The following RIPOR3 variants were observed in gnomAD, a reference collection of about 807,000 sequenced individuals.
The protein encoded by RIPOR3 is RIPOR family member 3, also known as family with sequence similarity 65 member C.
Under a neutral mutation model 114.3 loss-of-function variants are expected in RIPOR3, and 95 were observed. The observed-to-expected ratio is 0.83, with a 90% CI of 0.70 to 0.99. RIPOR3 has a LOEUF of 0.99. RIPOR3 is among the 50% of genes least tolerant of loss of function. RIPOR3 has a pLI of 0.00. For synonymous variants in RIPOR3, 575 were observed against 543.8 expected (o/e 1.06, Z -0.80); for missense variants, 1,252 against 1,266.9 (o/e 0.99, Z 0.18).
chr20:50,669,861 GAA>G (rs375482622), intron 1 of RIPOR3, among the ~76,000 whole-genome samples: 9 of 135,868 alleles, frequency 6.6e-5, no homozygotes, highest in African/African-American at 1.3e-4. Context: ...AGGGGGCTCT[GAA>G]AAAAAAAAAA....
intron 1 of RIPOR3, among the ~76,000 whole-genome samples, chr20:50,670,254 A>G (rs2086422691): frequency 6.6e-6 from 1 of 151,848 alleles, no homozygotes; most frequent in Non-Finnish European, 1.5e-5. Flanking sequence ...AGTTTTACCT[A>G]CTGCCGGTTT....
At chr20:50,615,341 T>C (rs111908238) in intron 4 of RIPOR3, among the ~76,000 whole-genome samples, 2 of 151,200 alleles carry the variant, frequency 1.3e-5, no homozygotes, top group Non-Finnish European at 2.9e-5. Context: ...CTAGGCAACA[T>C]GATGAGACCC....
Position 50,597,601 on chromosome 20 carries a change from AACAGGG to A in RIPOR3, c.1763_1768del (p.Ser588_Leu589del). The A allele has an allele frequency of 1.2e-6, 2 of 1,609,230 alleles. No homozygotes were observed. Among genetic ancestry groups the A allele is most frequent in the South Asian group, 2.2e-5 (2 of 90,056 alleles). Reference sequence around the variant, plus strand: ...TCACCGGAGACCCTGGGAGCCCCCAAACAGGGACAGCTCATCCAGGGCGAAGTCGGC... The same window carrying A: ...TCACCGGAGACCCTGGGAGCCCCCAAACAGCTCATCCAGGGCGAAGTCGGC... On this transcript the variant is annotated inframe_deletion, in exon 14 of 22. Coordinates refer to ENST00000327979, the MANE Select transcript of RIPOR3 (RefSeq NM_001290268.2).
At chr20:50,588,749 G>GAAAAA (rs869194473) in intron 20 of RIPOR3, among the ~76,000 whole-genome samples, 1 of 58,448 alleles carries the variant, frequency 1.7e-5, no homozygotes. Flanking sequence ...ATTCTCAAGT[G>GAAAAA]AAAAAAAAAA....
At chr20:50,679,104 CAAAAAAAA>C (rs1215128742) in intron 1 of RIPOR3, among the ~76,000 whole-genome samples, 14 of 35,970 alleles carry the variant, frequency 3.9e-4, no homozygotes, top group South Asian at 3.0e-3. Flanking sequence ...GATCCTGTCT[CAAAAAAAA>C]AAAAAAAAAA....
At chr20:50,595,240 C>T (rs2083247570) in intron 16 of RIPOR3, 129 bp downstream of exon 16, 2 of 1,268,670 alleles carry the variant, frequency 1.6e-6, no homozygotes, top group Non-Finnish European at 1.1e-6. Context: ...GAGCCCAGCC[C>T]AGCCACAGCC....
intron 4 of RIPOR3, among the ~76,000 whole-genome samples, chr20:50,615,112 T>A (rs1212061138): frequency 7.5e-6 from 1 of 134,014 alleles, no homozygotes; most frequent in Non-Finnish European, 1.8e-5. Context: ...TTTGTGAGTG[T>A]GTGTGTGTGT....
At chr20:50,633,292 G>A (rs56040755) in intron 1 of RIPOR3, among the ~76,000 whole-genome samples, 5,916 of 152,158 alleles carry the variant, frequency 0.039, 405 homozygotes, top group African/African-American at 0.14. Context: ...ACAAAAAATA[G>A]TCAATTGTTA....
intron 2 of RIPOR3, among the ~76,000 whole-genome samples, chr20:50,622,742 G>A (rs1372108387): frequency 6.6e-6 from 1 of 152,092 alleles, no homozygotes; most frequent in Non-Finnish European, 1.5e-5. Flanking sequence ...CCTGCATTTT[G>A]GGGGTCCTTT....
At chr20:50,607,684 G>A (rs552421114) in intron 11 of RIPOR3, among the ~76,000 whole-genome samples, 2 of 152,098 alleles carry the variant, frequency 1.3e-5, no homozygotes, top group South Asian at 2.1e-4. Context: ...GGTGCAGGTG[G>A]TCGCTCAACA....
chr20:50,588,099 T>G (rs1460705616), intron 20 of RIPOR3, among the ~76,000 whole-genome samples: 1 of 152,214 alleles, frequency 6.6e-6, no homozygotes, highest in Non-Finnish European at 1.5e-5. Context: ...CTTCAGCCCT[T>G]ACACCCGCTA....
rs144874415 is a variant in RIPOR3 at position 50,654,892 on chromosome 20, C to G, written c.4-24036G>C. ...CCCCGAGTAGCTGGGACTACAGGCA[C>G]GCACCACCACACCAGCTACTTTTTG... On this transcript the variant is annotated intron_variant, in intron 1 of 21. Transcript: ENST00000327979. Among the ~76,000 whole-genome samples the G allele has an allele frequency of 3.1e-4, 47 of 152,226 alleles. No individual in the cohort carries two copies. The South Asian group carries it at 3.9e-3, about 13-fold the overall frequency.
At chr20:50,598,838 G>A (rs1463207674) in intron 13 of RIPOR3, among the ~76,000 whole-genome samples, 1 of 150,796 alleles carries the variant, frequency 6.6e-6, no homozygotes, top group Non-Finnish European at 1.5e-5. Flanking sequence ...CGGGGAGGCG[G>A]AGGTTGCAGT....
chr20:50,625,332 A>T (rs1040186425), intron 2 of RIPOR3, among the ~76,000 whole-genome samples: 1 of 152,156 alleles, frequency 6.6e-6, no homozygotes, highest in Non-Finnish European at 1.5e-5. Flanking sequence ...TTGGCCTCCC[A>T]AAGTGCTGGG....
At chr20:50,681,998 G>A (rs1378761356) in intron 1 of RIPOR3, among the ~76,000 whole-genome samples, 1 of 152,162 alleles carries the variant, frequency 6.6e-6, no homozygotes, top group Non-Finnish European at 1.5e-5. Flanking sequence ...CAAATGCCAT[G>A]TGTAGAGGGT....
rs748555597 is a variant in RIPOR3 at position 50,597,574 on chromosome 20, A to G, written c.1790+6T>C. ...CTGGGTCACTGCTGGAAGGAGGTGC[A>G]CTCACCGGAGACCCTGGGAGCCCCC... On this transcript the variant is annotated splice_donor_region_variant and intron_variant, in intron 14 of 21. Transcript: ENST00000327979. 10 of 1,601,306 alleles carry G rather than the reference A, an allele frequency of 6.2e-6. No homozygotes were observed. In the East Asian group the frequency reaches 2.3e-4, roughly 36 times the overall value.
At chr20:50,601,145 G>A (rs952488021) in intron 13 of RIPOR3, among the ~76,000 whole-genome samples, 8 of 152,140 alleles carry the variant, frequency 5.3e-5, no homozygotes, top group African/African-American at 1.9e-4. Flanking sequence ...TTAAAAGAGG[G>A]TGTCCAGGCC....
At position 50,597,603 on chromosome 20, in the gene RIPOR3, C is replaced by A; in HGVS notation, c.1767G>T (p.Leu589=). ...NADFALDELS[L]FGGSQGLRKD... ...ACCGGAGACCCTGGGAGCCCCCAAA[C>A]AGGGACAGCTCATCCAGGGCGAAGT... Residue 589 remains leucine (L), a synonymous_variant, in exon 14 of 22, where the codon CTG becomes CTT. Coordinates refer to ENST00000327979, the MANE Select transcript of RIPOR3 (RefSeq NM_001290268.2). 6.2e-7 allele frequency: 1 copy of A among 1,609,590 alleles called. No individual in the cohort carries two copies.
At chr20:50,677,220 C>T (rs184861013) in intron 1 of RIPOR3, among the ~76,000 whole-genome samples, 224 of 152,182 alleles carry the variant, frequency 1.5e-3, no homozygotes, top group African/African-American at 5.3e-3. Context: ...GTGGCCCAGA[C>T]ATTCCCATAG....
Sources: allele counts gnomAD v4.1 joint callset (sites outside exome capture counted in the v4.1 genomes callset), GRCh38; gene constraint gnomAD v4.1.1; transcripts MANE v1.5; gene names NCBI Gene and HGNC (gene_info 2026-07-23, HGNC 2026-07-21).